ZBTB11: variants seen among roughly 807,000 people sequenced by gnomAD.
The protein encoded by ZBTB11 is zinc finger and BTB domain containing 11.
ZBTB11 carries 68 observed loss-of-function variants against 113.1 expected under a neutral mutation model. The ratio of observed to expected loss-of-function variants is 0.60; its 90% CI spans 0.49 to 0.74. The LOEUF (loss-of-function observed/expected upper bound fraction) is 0.74. Ranked by LOEUF, ZBTB11 falls within the 30% of genes least tolerant of loss-of-function variation. The probability of loss-of-function intolerance (pLI) is 0.00; values close to 1 mark genes in which losing one functional copy is unlikely to be tolerated. For missense variants in ZBTB11, 1,104 were observed against 1,279.4 expected, an observed-to-expected ratio of 0.86 and a Z score of 2.09; for synonymous variants, 518 against 452.6, an observed-to-expected ratio of 1.14 and a Z score of -1.83.
At chr3:101,658,855 C>T (rs1182451397) in intron 6 of ZBTB11, among the ~76,000 whole-genome samples, 2 of 152,082 alleles carry the variant, frequency 1.3e-5, no homozygotes, top group Admixed American at 6.5e-5. Flanking sequence ...AAAACTTACC[C>T]ATGTAAACAA....
intron 6 of ZBTB11, among the ~76,000 whole-genome samples, chr3:101,657,149 A>AT (rs1040617878): frequency 6.6e-6 from 1 of 150,768 alleles, no homozygotes; most frequent in Non-Finnish European, 1.5e-5. Context: ...TCAAAAAAAA[A>AT]AAAAAAACAA....
At position 101,665,187 on chromosome 3, in the gene ZBTB11, G is replaced by A; in HGVS notation, c.1400C>T (p.Ala467Val). Residue 467 changes from alanine (A) to valine (V), a missense_variant, in exon 4 of 11, where the codon GCC becomes GTC. Ala to Val is a moderately conservative substitution (Grantham distance 64). Around this residue, in one of 5 missense-constraint regions of ZBTB11, gnomAD observed 535 missense variants for 518.6 expected, o/e 1.03. Transcript: ENST00000312938. ...CTGCCTATGTTTTGGAATGTCTTCG[G>A]CACAAATATCCTCAGCTGATATATC... ...GNDISAEDIC[A>V]EDIPKHRQKV... 6.2e-7 allele frequency: 1 copy of A among 1,614,024 alleles called. No individual in the cohort carries two copies. The highest frequency in any genetic ancestry group is 8.5e-7 in the Non-Finnish European group (1 of 1,180,012).
At chr3:101,661,988 T>G (rs1216276030) in intron 5 of ZBTB11, 1 of 152,014 alleles carries the variant, frequency 6.6e-6, no homozygotes, top group Non-Finnish European at 1.5e-5. Flanking sequence ...GTATTATATA[T>G]TTTATTCCTA....
chr3:101,654,018 C>A (rs185714712), intron 8 of ZBTB11, among the ~76,000 whole-genome samples: 1 of 152,008 alleles, frequency 6.6e-6, no homozygotes, highest in Non-Finnish European at 1.5e-5. Flanking sequence ...TGAGCCACTG[C>A]GCCCACACTA....
intron 3 of ZBTB11, among the ~76,000 whole-genome samples, chr3:101,670,255 G>A (rs1937066995): frequency 6.6e-6 from 1 of 152,138 alleles, no homozygotes; most frequent in African/African-American, 2.4e-5. Context: ...TTACATACCT[G>A]GAAAAGTCAC....
intron 3 of ZBTB11, among the ~76,000 whole-genome samples, chr3:101,668,584 T>C (rs1576651386): frequency 6.8e-6 from 1 of 148,052 alleles, no homozygotes; most frequent in Non-Finnish European, 1.5e-5. Context: ...ACTGCACCAC[T>C]GCACTCTAGC....
In ZBTB11 at chr3:101,675,991, T is replaced by C. The variant is rs1187441978; in HGVS notation, c.310+614A>G. On this transcript the variant is annotated intron_variant, in intron 1 of 10. Coordinates refer to ENST00000312938, the MANE Select transcript of ZBTB11 (RefSeq NM_014415.4). Reference sequence around the variant, plus strand: ...AGTAACTGATATCTTTTACATTTACTTCTTGTTCTTAAAAAAAAACGCTCA... The same window carrying C: ...AGTAACTGATATCTTTTACATTTACCTCTTGTTCTTAAAAAAAAACGCTCA... Among the ~76,000 whole-genome samples the C allele has an allele frequency of 3.9e-5, 6 of 152,166 alleles. No individual in the cohort carries two copies. In the South Asian group the frequency reaches 6.2e-4, roughly 16 times the overall value.
chr3:101,651,137 G>A lies in ZBTB11; in HGVS notation c.*29C>T. Reference sequence around the variant, plus strand: ...TCTGTGAGTTCAGTGTACAAGAGATGTCACTTCTTTTTATCTTCATTAACA... The same window carrying A: ...TCTGTGAGTTCAGTGTACAAGAGATATCACTTCTTTTTATCTTCATTAACA... On this transcript the variant is annotated 3_prime_UTR_variant, in exon 11 of 11. Transcript: ENST00000312938. 1 of 1,538,518 alleles carries A rather than the reference G, an allele frequency of 6.5e-7. No homozygotes were observed. Among genetic ancestry groups the A allele is most frequent in the Non-Finnish European group, 8.7e-7 (1 of 1,146,946 alleles).
chr3:101,671,492 T>A, intron 2 of ZBTB11, 131 bp from the exon 3 acceptor site: 1 of 678,712 alleles, frequency 1.5e-6, no homozygotes, highest in Non-Finnish European at 2.5e-6. Context: ...CTTTGTTACC[T>A]ATGTATTTAA....
intron 5 of ZBTB11, among the ~76,000 whole-genome samples, chr3:101,660,676 CTACT>C (rs1936872863): frequency 1.3e-5 from 2 of 152,048 alleles, no homozygotes; most frequent in South Asian, 4.1e-4. Flanking sequence ...CCTCTACTCC[CTACT>C]TAGATATGTA....
rs1937193728 is a variant in ZBTB11 at position 101,677,130 on chromosome 3, A to G, written c.-216T>C. The G allele has an allele frequency of 7.1e-6, 4 of 559,548 alleles. No individual in the cohort carries two copies. Among genetic ancestry groups the G allele is most frequent in the South Asian group, 5.0e-5 (2 of 39,834 alleles). 34.7% of individuals were successfully genotyped at this position (559,548 alleles called of 1,614,324 possible). On this transcript the variant is annotated 5_prime_UTR_variant, in exon 1 of 11. Transcript: ENST00000312938. ...CTCCAGCGCGCGGGATCCGCTGGCGACTGACAAAATGGCTGCTGCACCACC... is the reference window on the plus strand; with the variant it reads ...CTCCAGCGCGCGGGATCCGCTGGCGGCTGACAAAATGGCTGCTGCACCACC...
chr3:101,676,323 C>T (rs752193631), intron 1 of ZBTB11, among the ~76,000 whole-genome samples: 1 of 152,244 alleles, frequency 6.6e-6, no homozygotes. Flanking sequence ...GGACCTGGCG[C>T]AGCCCAGGCG....
At chr3:101,657,078 T>C (rs1374650080) in intron 6 of ZBTB11, among the ~76,000 whole-genome samples, 5 of 146,328 alleles carry the variant, frequency 3.4e-5, no homozygotes, top group South Asian at 4.3e-4. Flanking sequence ...GAGGCAGAGG[T>C]TGCAGTGAGC....
chr3:101,676,307 G>A (rs1170478407), intron 1 of ZBTB11, among the ~76,000 whole-genome samples: 1 of 152,232 alleles, frequency 6.6e-6, no homozygotes, highest in Non-Finnish European at 1.5e-5. Flanking sequence ...GGCCGCCCAA[G>A]GAGGCGGACC....
chr3:101,664,991 T>G lies in ZBTB11; in HGVS notation c.1596A>C (p.Lys532Asn). The G allele has an allele frequency of 6.2e-7, 1 of 1,612,330 alleles. No homozygotes were observed. The highest frequency in any genetic ancestry group is 1.7e-4 in the Middle Eastern group (1 of 6,056). ...KGMEKKLQKR[K>N]AVPKSAVQQV... ...GTTGAACTGCTGACTTGGGAACGGCTTTCCGTTTCTGCAGCTTTTTCTCCA... is the reference window on the plus strand; with the variant it reads ...GTTGAACTGCTGACTTGGGAACGGCGTTCCGTTTCTGCAGCTTTTTCTCCA... The change falls in exon 4 of 11, where the codon AAA becomes AAC. Residue 532 changes from lysine to asparagine, a missense_variant. Physicochemically the swap from Lys to Asn is moderately conservative, Grantham distance 94. Transcript: ENST00000312938.
chr3:101,676,718 A>G lies in ZBTB11; in HGVS notation c.197T>C (p.Leu66Pro). Reference protein sequence around the residue: ...RKTFAELEVVLQPERRRDLIE... With the variant: ...RKTFAELEVVPQPERRRDLIE... ...GAGGTCCCGGCGTCGCTCCGGCTGC[A>G]GCACCACCTCCAGCTCCGCGAAGGT... is the stretch of plus-strand genomic sequence containing the variant. Residue 66 changes from leucine to proline, a missense_variant, in exon 1 of 11, where the codon CTG (leucine) becomes CCG (proline). Leu to Pro is a moderately conservative substitution (Grantham distance 98). Coordinates refer to ENST00000312938, the MANE Select transcript of ZBTB11 (RefSeq NM_014415.4). The G allele has an allele frequency of 6.3e-7, 1 of 1,599,230 alleles. No individual in the cohort carries two copies. The highest frequency in any genetic ancestry group is 8.5e-7 in the Non-Finnish European group (1 of 1,172,678).
chr3:101,668,495 G>A (rs991445569), intron 3 of ZBTB11, among the ~76,000 whole-genome samples: 1 of 151,998 alleles, frequency 6.6e-6, no homozygotes, highest in African/African-American at 2.4e-5. Flanking sequence ...TGGACAAGGT[G>A]GTGTGCACCT....
In ZBTB11 at chr3:101,649,931, G is replaced by C. The variant is rs1444727490; in HGVS notation, c.*1235C>G. On this transcript the variant is annotated 3_prime_UTR_variant, in exon 11 of 11. Transcript: ENST00000312938. ...GCTTAATTTTTAACAATTATTCTTT[G>C]AGTGGTAGTTTCCCAGAGAGAAATG... 1 of 152,530 alleles carries C rather than the reference G, an allele frequency of 6.6e-6. No homozygotes were observed. The highest frequency in any genetic ancestry group is 2.4e-5 in the African/African-American group (1 of 41,428). The allele number at this position is 152,530 out of a possible 1,614,324, so 9.4% of individuals were successfully genotyped here. A position where few individuals can be genotyped will look rare whatever the true frequency, so the allele number is the denominator to read the frequency against.
intron 1 of ZBTB11, chr3:101,676,395 C>T (rs1479683303): frequency 2.0e-6 from 1 of 504,708 alleles, no homozygotes; most frequent in Non-Finnish European, 3.3e-6. Flanking sequence ...CACCCAGGGC[C>T]AGGGCCCGCC....
Sources: gnomAD v4.1 joint callset for allele counts (sites outside exome capture counted in the v4.1 genomes callset) on GRCh38, gnomAD v4.1.1 for gene constraint, gnomAD v4.1.1 regional missense constraint, MANE v1.5 for transcripts, NCBI Gene and HGNC (gene_info 2026-07-23, HGNC 2026-07-21) for gene names.